The following CADPS2 variants were observed in gnomAD, a reference collection of about 807,000 sequenced individuals.
The protein encoded by CADPS2 is calcium dependent secretion activator 2, also known as calcium-dependent secretion activator 2.
CADPS2 carries 93 observed loss-of-function variants against 172.5 expected under a neutral mutation model. The ratio of observed to expected loss-of-function variants is 0.54; its 90% confidence interval spans 0.46 to 0.64. The LOEUF is 0.64. CADPS2 is among the 30% of genes least tolerant of loss of function. CADPS2 has a pLI of 0.00. For missense variants in CADPS2, 1,420 were observed against 1,565.9 expected (o/e 0.91, Z 1.57); for synonymous variants, 546 against 555.2 (o/e 0.98, Z 0.23).
intron 1 of CADPS2, among the ~76,000 whole-genome samples, chr7:122,784,987 C>T (rs969716657): frequency 1.3e-5 from 2 of 152,106 alleles, no homozygotes; most frequent in African/African-American, 4.8e-5. Context: ...CTCCAAGACT[C>T]TTATTTTTCC....
At chr7:122,366,064 A>G (rs1206975547) in intron 25 of CADPS2, among the ~76,000 whole-genome samples, 1 of 151,582 alleles carries the variant, frequency 6.6e-6, no homozygotes, top group Non-Finnish European at 1.5e-5. Context: ...TGAAAAACTA[A>G]GTGTTTTCTG....
At chr7:122,668,725 T>C (rs76565711) in intron 2 of CADPS2, among the ~76,000 whole-genome samples, 1 of 152,080 alleles carries the variant, frequency 6.6e-6, no homozygotes, top group Non-Finnish European at 1.5e-5. Context: ...AGAAATCAGG[T>C]CAAATGAAGA....
intron 18 of CADPS2, among the ~76,000 whole-genome samples, chr7:122,415,270 C>T (rs922476140): frequency 2.0e-5 from 3 of 152,088 alleles, no homozygotes; most frequent in Non-Finnish European, 2.9e-5. Flanking sequence ...TATAGTATGT[C>T]ACAAATTTTC....
At chr7:122,435,120 A>C (rs1389794563) in intron 17 of CADPS2, among the ~76,000 whole-genome samples, 1 of 152,208 alleles carries the variant, frequency 6.6e-6, no homozygotes, top group Non-Finnish European at 1.5e-5. Flanking sequence ...TCCTAATCAA[A>C]ATGATCTAAT....
chr7:122,704,304 C>T (rs1009705312), intron 2 of CADPS2, among the ~76,000 whole-genome samples: 4 of 151,090 alleles, frequency 2.6e-5, no homozygotes, highest in Non-Finnish European at 4.4e-5. Context: ...TCATGCAATT[C>T]TGTTGAAGCA....
chr7:122,831,683 T>C (rs1806609765), intron 1 of CADPS2, among the ~76,000 whole-genome samples: 1 of 152,114 alleles, frequency 6.6e-6, no homozygotes, highest in South Asian at 2.1e-4. Flanking sequence ...AATTCATCAC[T>C]CTCCCAATAA....
intron 1 of CADPS2, among the ~76,000 whole-genome samples, chr7:122,770,673 C>T (rs1033159635): frequency 1.4e-4 from 22 of 152,164 alleles, no homozygotes; most frequent in Admixed American, 1.2e-3. Context: ...GATCAATTAT[C>T]CAGAGGGCTT....
At chr7:122,527,227 A>G (rs1442240635) in intron 8 of CADPS2, among the ~76,000 whole-genome samples, 1 of 152,054 alleles carries the variant, frequency 6.6e-6, no homozygotes, top group African/African-American at 2.4e-5. Flanking sequence ...ACAGGCTTGG[A>G]GGTTCAGGAA....
intron 2 of CADPS2, among the ~76,000 whole-genome samples, chr7:122,719,095 C>G (rs1317334009): frequency 6.6e-6 from 1 of 152,070 alleles, no homozygotes; most frequent in African/African-American, 2.4e-5. Context: ...TTTGAATTCT[C>G]ATCAGAGACA....
intron 1 of CADPS2, among the ~76,000 whole-genome samples, chr7:122,885,611 T>C (rs1824135763): frequency 6.6e-6 from 1 of 152,130 alleles, no homozygotes; most frequent in Non-Finnish European, 1.5e-5. Flanking sequence ...CAAACCCAGC[T>C]CTAGCAATAT....
chr7:122,541,837 G>GCATATATATTTATATATATTCATATATA (rs1563648850), intron 8 of CADPS2, among the ~76,000 whole-genome samples: 1 of 53,334 alleles, frequency 1.9e-5, no homozygotes, highest in African/African-American at 5.4e-5. Flanking sequence ...ATATTCATAT[G>GCATATATATTTATATATATTCATATATA]TTTATATATT....
intron 3 of CADPS2, among the ~76,000 whole-genome samples, chr7:122,645,358 C>T (rs140886834): frequency 0.024 from 1,181 of 50,108 alleles, 44 homozygotes; most frequent in African/African-American, 0.067. Context: ...TGTGTGTATA[C>T]ATGTACATGT....
At chr7:122,535,841 G>A (rs927122567) in intron 8 of CADPS2, among the ~76,000 whole-genome samples, 5 of 152,010 alleles carry the variant, frequency 3.3e-5, no homozygotes, top group Admixed American at 2.6e-4. Flanking sequence ...ATTCCACTGC[G>A]AGTCTTACTC....
Position 122,375,913 on chromosome 7 carries a change from A to T in CADPS2, c.3387+3455T>A, listed in dbSNP as rs1049238043. On this transcript the variant is annotated intron_variant, in intron 25 of 29. Transcript: ENST00000449022. ...CAATAGCCAAAAAAAAAAAATTAAA[A>T]ATTAAAAAAATGAGCAAAGCACTAC... Among the ~76,000 whole-genome samples the T allele has an allele frequency of 5.9e-5, 9 of 152,224 alleles. No individual in the cohort carries two copies. The South Asian group carries it at 1.9e-3, about 32-fold the overall frequency.
intron 23 of CADPS2, among the ~76,000 whole-genome samples, chr7:122,387,776 G>A (rs1014856823): frequency 3.9e-5 from 6 of 151,904 alleles, no homozygotes; most frequent in African/African-American, 7.2e-5. Context: ...CCACAGAATC[G>A]AGACATCAAA....
chr7:122,365,190 T>C (rs572547584), intron 25 of CADPS2, among the ~76,000 whole-genome samples: 149 of 152,286 alleles, frequency 9.8e-4, no homozygotes, highest in African/African-American at 3.2e-3. Context: ...GTCTGCTGCA[T>C]TCATGTCTCA....
chr7:122,490,946 G>A (rs1456807047), intron 10 of CADPS2, among the ~76,000 whole-genome samples: 1 of 152,058 alleles, frequency 6.6e-6, no homozygotes, highest in East Asian at 1.9e-4. Flanking sequence ...TATTGTTGGG[G>A]AGAAAATTAG....
intron 3 of CADPS2, among the ~76,000 whole-genome samples, chr7:122,656,534 C>T (rs1394997759): frequency 2.0e-5 from 3 of 152,132 alleles, no homozygotes; most frequent in Non-Finnish European, 2.9e-5. Context: ...AGCAATCCTC[C>T]TAGACCAGGG....
At chr7:122,785,080 C>G (rs1793701822) in intron 1 of CADPS2, among the ~76,000 whole-genome samples, 1 of 152,192 alleles carries the variant, frequency 6.6e-6, no homozygotes, top group African/African-American at 2.4e-5. Flanking sequence ...TCAACCAGAA[C>G]AGTAAATCAG....
Sources: allele counts gnomAD v4.1 joint callset (sites outside exome capture counted in the v4.1 genomes callset), GRCh38; gene constraint gnomAD v4.1.1; transcripts MANE v1.5; gene names NCBI Gene and HGNC (gene_info 2026-07-23, HGNC 2026-07-21).